The following ZNF649 variants were observed in gnomAD, a reference collection of about 807,000 sequenced individuals.
ZNF649 encodes zinc finger protein 649.
ZNF649 carries 7 observed loss-of-function variants against 14.1 expected under a neutral mutation model. The observed-to-expected ratio is 0.49, with a 90% CI of 0.28 to 0.93. The LOEUF is 0.93. Among genes scored for constraint, ZNF649 ranks in the 40% least tolerant of loss-of-function variants. The probability of loss-of-function intolerance (pLI) is 0.10; values close to 1 mark genes in which losing one functional copy is unlikely to be tolerated. For missense variants in ZNF649, 544 were observed against 608.1 expected (o/e 0.89, Z 1.11); for synonymous variants, 227 against 212.3 (o/e 1.07, Z -0.60).
intron 1 of ZNF649, among the ~76,000 whole-genome samples, chr19:51,901,084 C>T (rs1044350102): frequency 6.7e-6 from 1 of 148,538 alleles, no homozygotes; most frequent in African/African-American, 2.6e-5. Flanking sequence ...CTTAATTCCC[C>T]GAGCCACAAG....
intron 4 of ZNF649, 129 bp downstream of exon 4, chr19:51,896,343 C>A (rs975506912): frequency 1.3e-6 from 1 of 746,178 alleles, no homozygotes; most frequent in Non-Finnish European, 2.3e-6. Context: ...GCTCTTGTAT[C>A]CTAGGGGAGA....
intron 1 of ZNF649, chr19:51,900,577 A>G (rs1452516700): frequency 6.5e-6 from 1 of 154,418 alleles, no homozygotes; most frequent in Non-Finnish European, 1.4e-5. Context: ...ATAAGAGAGC[A>G]GGTCACGCTC....
chr19:51,894,153 G>A (rs754378086), intron 4 of ZNF649, among the ~76,000 whole-genome samples: 1 of 149,856 alleles, frequency 6.7e-6, no homozygotes, highest in Non-Finnish European at 1.5e-5. Context: ...TTTTTTTTGA[G>A]ATGGAGTCTT....
chr19:51,889,799 A>C lies in ZNF649; in HGVS notation c.*819T>G, dbSNP rs1484119172. On this transcript the variant is annotated 3_prime_UTR_variant, in exon 5 of 5. Coordinates refer to ENST00000354957, the MANE Select transcript of ZNF649 (RefSeq NM_023074.4). ...TAATATAAACACACTCAGCTACTCT[A>C]AGGGAAAGCAGAAAAAGAAGAAAAG... The C allele has an allele frequency of 6.6e-6, 1 of 152,254 alleles. No individual in the cohort carries two copies. Among genetic ancestry groups the C allele is most frequent in the African/African-American group, 2.4e-5 (1 of 41,464 alleles). 9.4% of individuals were successfully genotyped at this position (152,254 alleles called of 1,614,324 possible). A position where few individuals can be genotyped will look rare whatever the true frequency, so the allele number is the denominator to read the frequency against.
In ZNF649 at chr19:51,892,013, G is replaced by A. The variant is rs1321823029; in HGVS notation, c.239-116C>T. On this transcript the variant is annotated intron_variant, in intron 4 of 4. Transcript: ENST00000354957. ...AACCCCTATAATACCAACATGGAAG[G>A]AATTCCAAGTATAAGTGTTCCCTAT... 5.2e-5 allele frequency: 61 copies of A among 1,173,196 alleles called. No homozygotes were observed. The East Asian group carries it at 1.5e-3, about 28-fold the overall frequency. 72.7% of individuals were successfully genotyped at this position (1,173,196 alleles called of 1,614,324 possible).
intron 4 of ZNF649, among the ~76,000 whole-genome samples, chr19:51,893,335 T>C (rs2085037036): frequency 6.6e-6 from 1 of 151,446 alleles, no homozygotes; most frequent in Non-Finnish European, 1.5e-5. Context: ...TCTCACTGAA[T>C]AGGTATGCAA....
Position 51,891,851 on chromosome 19 carries a change from T to C in ZNF649, c.285A>G (p.Gln95=), listed in dbSNP as rs757762728. 1.3e-6 allele frequency: 2 copies of C among 1,583,532 alleles called. No individual in the cohort carries two copies. The highest frequency in any genetic ancestry group is 2.0e-5 in the Admixed American group (1 of 49,968). Residue 95 remains glutamine (Q), a synonymous_variant, in exon 5 of 5, where the codon CAA becomes CAG. Transcript: ENST00000354957. This position sits in a 1 kb window ranked among gnomAD's most constrained non-coding sequence, Gnocchi z 4.2. ...GTTGTCCCGTCCTCTTCAGTATTTTTTGGTTTTGCAAGGGCTGCTGCAGAT... is the reference window on the plus strand; with the variant it reads ...GTTGTCCCGTCCTCTTCAGTATTTTCTGGTTTTGCAAGGGCTGCTGCAGAT... ...DDHLQQPLQN[Q]KILKRTGQRY... is the part of the protein sequence containing the mutation.
intron 4 of ZNF649, 69 bp downstream of exon 4, chr19:51,896,403 A>T: frequency 1.4e-6 from 2 of 1,379,688 alleles, no homozygotes; most frequent in African/African-American, 2.8e-5. Context: ...CACAACTGTC[A>T]TGCCTTCTCT....
chr19:51,891,950 C>T lies in ZNF649; in HGVS notation c.239-53G>A, dbSNP rs2085026329. The T allele has an allele frequency of 6.7e-7, 1 of 1,495,424 alleles. No individual in the cohort carries two copies. The highest frequency in any genetic ancestry group is 2.5e-5 in the Admixed American group (1 of 39,738). The allele number at this position is 1,495,424 out of a possible 1,614,324, so 92.6% of individuals were successfully genotyped here. A position where few individuals can be genotyped will look rare whatever the true frequency, so the allele number is the denominator to read the frequency against. Reference sequence around the variant, plus strand: ...ATGATCATCACACGGAATAAAACTGCTTCAAAGATGCCTTGGGGTTGGCTG... The same window carrying T: ...ATGATCATCACACGGAATAAAACTGTTTCAAAGATGCCTTGGGGTTGGCTG... On this transcript the variant is annotated intron_variant, in intron 4 of 4. Coordinates refer to ENST00000354957, the MANE Select transcript of ZNF649 (RefSeq NM_023074.4). The surrounding 1 kb of genome is among the most constrained non-coding windows in gnomAD (Gnocchi z 4.2).
chr19:51,902,066 G>A (rs533479557), intron 1 of ZNF649, among the ~76,000 whole-genome samples: 4 of 151,774 alleles, frequency 2.6e-5, no homozygotes, highest in East Asian at 1.9e-4. Context: ...TGAGGGCACC[G>A]CATTCTTCAC....
chr19:51,893,322 A>G (rs112600586), intron 4 of ZNF649, among the ~76,000 whole-genome samples: 1 of 152,068 alleles, frequency 6.6e-6, no homozygotes, highest in Non-Finnish European at 1.5e-5. Context: ...AAGACTCCCC[A>G]TCTCTCACTG....
chr19:51,895,769 ATG>A (rs2085058161), intron 4 of ZNF649, among the ~76,000 whole-genome samples: 1 of 151,844 alleles, frequency 6.6e-6, no homozygotes, highest in Admixed American at 6.6e-5. Flanking sequence ...ATATATATAA[ATG>A]TATATACACA....
At position 51,896,481 on chromosome 19, in the gene ZNF649, C is replaced by G. The variant is rs1475073467; in HGVS notation, c.229G>C (p.Ala77Pro). Residue 77 changes from alanine to proline, a missense_variant, in exon 4 of 5, where the codon GCC becomes CCC. Transcript: ENST00000354957. ...WTLEDEIHSP[A>P]HPEIEKADDH... ...GTTCTCTCTCACTTACCTGGGTGGG[C>G]TGGACTGTGGATTTCATCTTCTAGT... 3 of 1,614,038 alleles carry G rather than the reference C, an allele frequency of 1.9e-6. No homozygotes were observed. The Admixed American group carries it at 5.0e-5, about 27-fold the overall frequency.
At chr19:51,904,519 C>T (rs190396160) in intron 1 of ZNF649, among the ~76,000 whole-genome samples, 9 of 152,120 alleles carry the variant, frequency 5.9e-5, no homozygotes, top group African/African-American at 2.2e-4. Flanking sequence ...ACTTAACACA[C>T]ATCCCCGATT....
chr19:51,895,276 G>A (rs951584965), intron 4 of ZNF649, among the ~76,000 whole-genome samples: 14 of 152,162 alleles, frequency 9.2e-5, no homozygotes, highest in African/African-American at 3.4e-4. Flanking sequence ...AAAATACATA[G>A]TGTCAGAATG....
chr19:51,891,458 T>G lies in ZNF649; in HGVS notation c.678A>C (p.Arg226Ser). 2 of 1,613,998 alleles carry G rather than the reference T, an allele frequency of 1.2e-6. No individual in the cohort carries two copies. The highest frequency in any genetic ancestry group is 1.7e-6 in the Non-Finnish European group (2 of 1,179,852). ...YKKYRLTEHE[R>S]AHRGEKPHGC... ...CGTGGGGTTTCTCTCCTCTGTGAGC[T>G]CTCTCGTGTTCAGTGAGCCTGTACT... The change falls in exon 5 of 5, where the codon AGA becomes AGC. Residue 226 changes from arginine (R) to serine (S), a missense_variant. Arg to Ser is a moderately radical substitution (Grantham distance 110). Transcript: ENST00000354957. The surrounding 1 kb of genome is among the most constrained non-coding windows in gnomAD (Gnocchi z 4.2).
chr19:51,892,361 C>G (rs1370320437), intron 4 of ZNF649, among the ~76,000 whole-genome samples: 1 of 139,908 alleles, frequency 7.1e-6, no homozygotes, highest in East Asian at 2.1e-4. Context: ...GCCAACAGAG[C>G]AAGACTCCAT....
rs755880182 is a variant in ZNF649 at position 51,891,517 on chromosome 19, C to G, written c.619G>C (p.Val207Leu). 6.2e-7 allele frequency: 1 copy of G among 1,614,220 alleles called. No homozygotes were observed. The highest frequency in any genetic ancestry group is 1.1e-5 in the South Asian group (1 of 91,086). The change falls in exon 5 of 5, where the codon GTG (valine) becomes CTG (leucine). Residue 207 changes from valine (V) to leucine (L), a missense_variant. Coordinates refer to ENST00000354957, the MANE Select transcript of ZNF649 (RefSeq NM_023074.4). This position sits in a 1 kb window ranked among gnomAD's most constrained non-coding sequence, Gnocchi z 4.2. ...AAGGCTTTCCCACACAAGCTACACA[C>G]GTGGGGTTTCTTTCCTGTATGAATT... is the stretch of plus-strand genomic sequence containing the variant. ...KRIHTGKKPH[V>L]CSLCGKAFYK...
rs553334447 is a variant in ZNF649, at chr19:51,895,794, CAT to C, written c.238+676_238+677del. On this transcript the variant is annotated intron_variant, in intron 4 of 4. Coordinates refer to ENST00000354957, the MANE Select transcript of ZNF649 (RefSeq NM_023074.4). The stretch of plus-strand genomic sequence containing the variant: ...ATGTATATACACACATACACACACA[CAT>C]ACACATATATACACACACGCATATA... Among the ~76,000 whole-genome samples, 40 of 152,072 alleles carry C rather than the reference CAT, an allele frequency of 2.6e-4. No individual in the cohort carries two copies. In the South Asian group the frequency reaches 3.3e-3, roughly 13 times the overall value.
Sources: gnomAD v4.1 joint callset for allele counts (sites outside exome capture counted in the v4.1 genomes callset) on GRCh38, gnomAD v4.1.1 for gene constraint, Gnocchi (gnomAD v3.1) non-coding constraint, MANE v1.5 for transcripts, NCBI Gene and HGNC (gene_info 2026-07-23, HGNC 2026-07-21) for gene names.